ALDH3B1: variants seen among roughly 807,000 people sequenced by gnomAD.
ALDH3B1 encodes aldehyde dehydrogenase 3 family member B1, also known as aldehyde dehydrogenase family 3 member B1.
A neutral mutation model predicts 46.2 loss-of-function variants in ALDH3B1; 37 were observed. The ratio of observed to expected loss-of-function variants is 0.80; its 90% confidence interval spans 0.62 to 1.05. The LOEUF is 1.05. Among genes scored for constraint, ALDH3B1 ranks in the 50% least tolerant of loss-of-function variants. ALDH3B1 has a pLI of 0.00. For synonymous variants in ALDH3B1, 283 were observed against 281.0 expected (o/e 1.01, Z -0.07); for missense variants, 603 against 665.5 (o/e 0.91, Z 1.03).
In ALDH3B1 at chr11:68,015,378, T is replaced by C. The variant is rs1169525685; in HGVS notation, c.81T>C (p.Ala27=). The C allele has an allele frequency of 1.3e-6, 2 of 1,551,942 alleles. No individual in the cohort carries two copies. The highest frequency in any genetic ancestry group is 1.7e-6 in the Non-Finnish European group (2 of 1,147,866). ...GCACGCGGCCAGCTGAGTTCCGGGC[T>C]GCGCAGCTCCAAGGCCTGGGCCGCT... ...AGRTRPAEFR[A]AQLQGLGRFL... Residue 27 remains alanine (A), a synonymous_variant, in exon 2 of 10, where the codon GCT becomes GCC. Coordinates refer to ENST00000342456, the MANE Select transcript of ALDH3B1 (RefSeq NM_000694.4).
In ALDH3B1 at chr11:68,011,685, C is replaced by T. The variant is rs141526349; in HGVS notation, c.-2+1293C>T. Reference sequence around the variant, plus strand: ...GATGGGGGTCCCCCAGGCCCTCTACCCACCATGTTCAGTCCCTCTGTCACC... The same window carrying T: ...GATGGGGGTCCCCCAGGCCCTCTACTCACCATGTTCAGTCCCTCTGTCACC... On this transcript the variant is annotated intron_variant, in intron 1 of 9. Coordinates refer to ENST00000342456, the MANE Select transcript of ALDH3B1 (RefSeq NM_000694.4). Among the ~76,000 whole-genome samples, 1,205 of 152,250 alleles carry T rather than the reference C, an allele frequency of 7.9e-3. 4 individuals are homozygous for T. Among genetic ancestry groups the T allele is most frequent in the Non-Finnish European group, 0.012 (842 of 68,002 alleles).
chr11:68,018,505 T>C, intron 2 of ALDH3B1, 22 bp from the exon 3 acceptor site: 1 of 743,508 alleles, frequency 1.3e-6, no homozygotes, highest in Non-Finnish European at 2.2e-6. Flanking sequence ...TGGCCCACCC[T>C]GACCCCACCC....
In ALDH3B1 at chr11:68,012,416, G is replaced by A. The variant is rs144617937; in HGVS notation, c.-2+2024G>A. Reference sequence around the variant, plus strand: ...GGCCCCCAGGCCAGAGGAAACAGCCGCTATCTTCATCACCAAATGATGTGG... The same window carrying A: ...GGCCCCCAGGCCAGAGGAAACAGCCACTATCTTCATCACCAAATGATGTGG... On this transcript the variant is annotated intron_variant, in intron 1 of 9. Transcript: ENST00000342456. Among the ~76,000 whole-genome samples the A allele has an allele frequency of 2.9e-3, 443 of 152,306 alleles. 1 individual carries two copies. The Middle Eastern group carries it at 0.037, about 13-fold the overall frequency.
intron 9 of ALDH3B1, among the ~76,000 whole-genome samples, chr11:68,027,270 G>A (rs1325268211): frequency 1.3e-5 from 2 of 152,152 alleles, no homozygotes; most frequent in African/African-American, 2.4e-5. Context: ...ACTCCACCCA[G>A]GCTGTGCTCT....
At position 68,021,880 on chromosome 11, in the gene ALDH3B1, T is replaced by C. The variant is rs769178982; in HGVS notation, c.949+9T>C. Reference sequence around the variant, plus strand: ...GAGCGATCGCTACATCGGTGAGTCCTGCTGCCCCTACCACAGCCCACCTGG... The same window carrying C: ...GAGCGATCGCTACATCGGTGAGTCCCGCTGCCCCTACCACAGCCCACCTGG... On this transcript the variant is annotated intron_variant, in intron 7 of 9. Coordinates refer to ENST00000342456, the MANE Select transcript of ALDH3B1 (RefSeq NM_000694.4). The C allele has an allele frequency of 6.9e-6, 11 of 1,583,676 alleles. No homozygotes were observed. The East Asian group carries it at 2.5e-4, about 35-fold the overall frequency.
rs760799429 is a variant in ALDH3B1 at position 68,018,601 on chromosome 11, G to A, written c.237G>A (p.Arg79=). 1.3e-6 allele frequency: 2 copies of A among 1,582,594 alleles called. No individual in the cohort carries two copies. Among genetic ancestry groups the A allele is most frequent in the Non-Finnish European group, 8.6e-7 (1 of 1,164,912 alleles). Residue 79 remains arginine (R), a synonymous_variant, in exon 3 of 10, where the codon CGG becomes CGA. Transcript: ENST00000342456. ...GEVTLALRNL[R]AWMKDERVPK... is the part of the protein sequence containing the mutation. ...TCACCCTGGCCCTCAGGAACCTCCG[G>A]GCCTGGATGAAGGACGAGCGTGTGC...
Position 68,021,467 on chromosome 11 carries a change from G to A in ALDH3B1, c.563-18G>A. On this transcript the variant is annotated intron_variant, in intron 6 of 9. Transcript: ENST00000342456. Reference sequence around the variant, plus strand: ...TCCAGGTCACTGAACGGCCACTCTGGTTTCCTTCCATGCCCAGGGAGCCCT... The same window carrying A: ...TCCAGGTCACTGAACGGCCACTCTGATTTCCTTCCATGCCCAGGGAGCCCT... The A allele has an allele frequency of 6.3e-7, 1 of 1,598,274 alleles. No homozygotes were observed.
chr11:68,018,120 G>C (rs969881917), intron 2 of ALDH3B1: 1 of 167,092 alleles, frequency 6.0e-6, no homozygotes, highest in African/African-American at 2.4e-5. Flanking sequence ...CCGCCGCCTG[G>C]AGACCTGCAC....
At chr11:68,019,145 G>T (rs1255669084) in intron 4 of ALDH3B1, 25 bp from the exon 5 acceptor site, 6 of 1,603,866 alleles carry the variant, frequency 3.7e-6, no homozygotes, top group Non-Finnish European at 5.1e-6. Context: ...GCCTCCTCCA[G>T]CTCTCTCCCT....
At chr11:68,025,885 T>C (rs973646085) in intron 8 of ALDH3B1, 124 bp from the exon 9 acceptor site, 20 of 582,056 alleles carry the variant, frequency 3.4e-5, no homozygotes, top group Non-Finnish European at 5.1e-5. Flanking sequence ...TCAGCTGACA[T>C]GGTGGCCTCA....
intron 2 of ALDH3B1, chr11:68,016,421 G>A (rs1194806044): frequency 6.6e-5 from 10 of 152,408 alleles, no homozygotes; most frequent in Admixed American, 6.5e-4. Context: ...CACTATGTAG[G>A]GCCTCGGAGG....
chr11:68,023,212 G>A (rs1857546415), intron 8 of ALDH3B1, among the ~76,000 whole-genome samples: 1 of 151,924 alleles, frequency 6.6e-6, no homozygotes, highest in African/African-American at 2.4e-5. Context: ...AGAGTCCTCA[G>A]ATTAAAAAAC....
In ALDH3B1 at chr11:68,026,689, T is replaced by A. The variant is rs1272153420; in HGVS notation, c.1216+581T>A. Among the ~76,000 whole-genome samples, 3 of 152,186 alleles carry A rather than the reference T, an allele frequency of 2.0e-5. No individual in the cohort carries two copies. The East Asian group carries it at 5.8e-4, about 29-fold the overall frequency. Reference sequence around the variant, plus strand: ...AAGGCCCTGTGGCCCAGGTGACATCTCCCCTTTCTGAGCCCACTTCCTCCT... The same window carrying A: ...AAGGCCCTGTGGCCCAGGTGACATCACCCCTTTCTGAGCCCACTTCCTCCT... On this transcript the variant is annotated intron_variant, in intron 9 of 9. Coordinates refer to ENST00000342456, the MANE Select transcript of ALDH3B1 (RefSeq NM_000694.4).
rs189023710 is a variant in ALDH3B1, at chr11:68,021,628, C to T, written c.706C>T (p.Arg236Cys). ...CGTGGCCAACCGCGTGGCCTGGTTC[C>T]GCTACTTCAACGCCGGCCAGACCTG... The part of the protein sequence containing the change: ...QTVANRVAWF[R>C]YFNAGQTCVA... Residue 236 changes from arginine (R) to cysteine (C), a missense_variant, in exon 7 of 10, where the codon CGC becomes TGC. By Grantham distance (180) the Arg-to-Cys change is radical (BLOSUM62 -3). Transcript: ENST00000342456. 1.1e-4 allele frequency: 185 copies of T among 1,614,060 alleles called. 1 individual carries two copies. The highest frequency in any genetic ancestry group is 3.9e-4 in the African/African-American group (29 of 75,028).
At position 68,022,579 on chromosome 11, in the gene ALDH3B1, T is replaced by A; in HGVS notation, c.950-16T>A. ...TGACTGTGGCCCCAGGGCTGAGCTG[T>A]CTCTGGTGCCTGCAGCCCCCACGGT... is the stretch of plus-strand genomic sequence containing the variant. On this transcript the variant is annotated splice_polypyrimidine_tract_variant and intron_variant, in intron 7 of 9. Coordinates refer to ENST00000342456, the MANE Select transcript of ALDH3B1 (RefSeq NM_000694.4). The A allele has an allele frequency of 6.2e-7, 1 of 1,612,690 alleles. No individual in the cohort carries two copies. The highest frequency in any genetic ancestry group is 8.5e-7 in the Non-Finnish European group (1 of 1,179,666).
Position 68,018,608 on chromosome 11 carries a change from A to G in ALDH3B1, c.244A>G (p.Met82Val). 1 of 1,580,604 alleles carries G rather than the reference A, an allele frequency of 6.3e-7. No individual in the cohort carries two copies. The highest frequency in any genetic ancestry group is 8.6e-7 in the Non-Finnish European group (1 of 1,163,910). Residue 82 changes from methionine to valine, a missense_variant, in exon 3 of 10, where the codon ATG becomes GTG. Transcript: ENST00000342456. ...GGCCCTCAGGAACCTCCGGGCCTGG[A>G]TGAAGGACGAGCGTGTGCCCAAGAA... is the stretch of plus-strand genomic sequence containing the variant. Reference protein sequence around the residue: ...TLALRNLRAWMKDERVPKNLA... With the variant: ...TLALRNLRAWVKDERVPKNLA...
At chr11:68,023,716 T>G (rs1258585746) in intron 8 of ALDH3B1, among the ~76,000 whole-genome samples, 1 of 152,052 alleles carries the variant, frequency 6.6e-6, no homozygotes, top group African/African-American at 2.4e-5. Context: ...ATTTCCCCCA[T>G]TTAATGGTGC....
intron 2 of ALDH3B1, chr11:68,015,685 C>A: frequency 1.4e-6 from 1 of 708,182 alleles, no homozygotes; most frequent in Non-Finnish European, 2.6e-6. Flanking sequence ...CTGTTCTAGG[C>A]TCTGGGGATA....
At chr11:68,026,135 G>C in intron 9 of ALDH3B1, 27 bp downstream of exon 9, 1 of 1,556,158 alleles carries the variant, frequency 6.4e-7, no homozygotes, top group South Asian at 1.2e-5. Context: ...CTGCCCTTCT[G>C]TTACCATTTG....
Sources: gnomAD v4.1 joint callset for allele counts (sites outside exome capture counted in the v4.1 genomes callset) on GRCh38, gnomAD v4.1.1 for gene constraint, MANE v1.5 for transcripts, NCBI Gene and HGNC (gene_info 2026-07-23, HGNC 2026-07-21) for gene names.